The following SMAD3 variants were observed in gnomAD, a reference collection of about 807,000 sequenced individuals.
SMAD3 encodes SMAD family member 3.
In SMAD3, 12 loss-of-function variants were observed where a neutral mutation model predicts 51.8. The observed-to-expected ratio is 0.23, with a 90% CI of 0.15 to 0.38. The LOEUF is 0.38. SMAD3 is among the 10% of genes least tolerant of loss of function. The pLI, the probability that SMAD3 is intolerant of heterozygous loss-of-function variation, is 1.00. For missense variants in SMAD3, 294 were observed against 565.6 expected (o/e 0.52, Z 4.87); for synonymous variants, 238 against 227.7 (o/e 1.05, Z -0.41).
chr15:67,109,104 A>G (rs1960945086), intron 1 of SMAD3, among the ~76,000 whole-genome samples: 1 of 152,230 alleles, frequency 6.6e-6, no homozygotes, highest in South Asian at 2.1e-4. Context: ...AAGCATGGTC[A>G]CTTCACAAAT....
rs866670918 is a variant in SMAD3, at chr15:67,119,017, G to A, written c.207-45878G>A. ...GCTGGATAGATGAGCGTGGAGTTTGGGGGAGAGGTCTGAGCTGAGATATAC... is the reference window on the plus strand; with the variant it reads ...GCTGGATAGATGAGCGTGGAGTTTGAGGGAGAGGTCTGAGCTGAGATATAC... On this transcript the variant is annotated intron_variant, in intron 1 of 8. Transcript: ENST00000327367. 2.0e-5 allele frequency among the ~76,000 whole-genome samples: 3 copies of A among 152,168 alleles called. No homozygotes were observed. The South Asian group carries it at 6.2e-4, about 31-fold the overall frequency.
At chr15:67,126,753 T>G (rs754609895) in intron 1 of SMAD3, among the ~76,000 whole-genome samples, 1 of 152,200 alleles carries the variant, frequency 6.6e-6, no homozygotes, top group Non-Finnish European at 1.5e-5. Flanking sequence ...CTTCCTCAGC[T>G]CTGTGGTTAG....
At chr15:67,147,468 G>A (rs908629441) in intron 1 of SMAD3, among the ~76,000 whole-genome samples, 1 of 152,116 alleles carries the variant, frequency 6.6e-6, no homozygotes, top group Non-Finnish European at 1.5e-5. Flanking sequence ...AAACAACATA[G>A]GAGCTCACTC....
intron 1 of SMAD3, among the ~76,000 whole-genome samples, chr15:67,080,698 A>G (rs1404337237): frequency 6.6e-6 from 1 of 152,280 alleles, no homozygotes; most frequent in Non-Finnish European, 1.5e-5. Context: ...TAAAAATAAC[A>G]GTAAGCATGC....
At position 67,073,003 on chromosome 15, in the gene SMAD3, G is replaced by C. The variant is rs563245192; in HGVS notation, c.206+6643G>C. Among the ~76,000 whole-genome samples the C allele has an allele frequency of 1.0e-3, 159 of 152,362 alleles. 4 individuals carry two copies. In the South Asian group the frequency reaches 0.032, roughly 31 times the overall value. On this transcript the variant is annotated intron_variant, in intron 1 of 8. Transcript: ENST00000327367. The stretch of plus-strand genomic sequence containing the variant: ...TGCGGACAAAATAGTGAATAAGGCA[G>C]ATACTGTCCCTGGTGCCTTCTGTAG...
intron 1 of SMAD3, among the ~76,000 whole-genome samples, chr15:67,148,729 C>T (rs1391632025): frequency 6.6e-6 from 1 of 152,186 alleles, no homozygotes; most frequent in East Asian, 1.9e-4. Context: ...ACTTCTTGAT[C>T]GGGTTCACAA....
chr15:67,190,437 C>T lies in SMAD3; in HGVS notation c.1179C>T (p.Pro393=), dbSNP rs2140327732. The T allele has an allele frequency of 1.2e-6, 2 of 1,614,142 alleles. No homozygotes were observed. Among genetic ancestry groups the T allele is most frequent in the Non-Finnish European group, 1.7e-6 (2 of 1,180,004 alleles). Residue 393 remains proline (P), a synonymous_variant, in exon 9 of 9, where the codon CCC becomes CCT. Coordinates refer to ENST00000327367, the MANE Select transcript of SMAD3 (RefSeq NM_005902.4). The part of the protein sequence containing the change: ...EYRRQTVTST[P]CWIELHLNGP... ...GGAGACAGACTGTGACCAGTACCCC[C>T]TGCTGGATTGAGCTGCACCTGAATG... is the stretch of plus-strand genomic sequence containing the variant.
At chr15:67,123,894 T>C (rs1397701622) in intron 1 of SMAD3, among the ~76,000 whole-genome samples, 1 of 152,240 alleles carries the variant, frequency 6.6e-6, no homozygotes, top group Non-Finnish European at 1.5e-5. Flanking sequence ...TGTGTCCTGC[T>C]TTCCAACTTT....
At chr15:67,155,804 G>A (rs1431583308) in intron 1 of SMAD3, among the ~76,000 whole-genome samples, 1 of 152,052 alleles carries the variant, frequency 6.6e-6, no homozygotes, top group African/African-American at 2.4e-5. Context: ...TGGCCAACAC[G>A]GTGAAACCCC....
At chr15:67,156,783 G>A (rs1422629019) in intron 1 of SMAD3, among the ~76,000 whole-genome samples, 3 of 129,276 alleles carry the variant, frequency 2.3e-5, no homozygotes, top group African/African-American at 9.0e-5. Flanking sequence ...TCTGGGCCCA[G>A]CCTATGGGGC....
chr15:67,168,516 A>ACTCTGCGCTCCCTCTTCCCT (rs1435063244), intron 4 of SMAD3, among the ~76,000 whole-genome samples: 1 of 151,992 alleles, frequency 6.6e-6, no homozygotes, highest in East Asian at 1.9e-4. Context: ...GTTTCTTCCC[A>ACTCTGCGCTCCCTCTTCCCT]CTCTGCGCTC....
intron 1 of SMAD3, among the ~76,000 whole-genome samples, chr15:67,085,905 C>CACACACACACAG (rs1226441725): frequency 3.5e-5 from 5 of 142,932 alleles, no homozygotes; most frequent in African/African-American, 1.3e-4. Context: ...CACACATACA[C>CACACACACACAG]AGAGAACAGC....
chr15:67,100,357 G>C (rs1960723782), intron 1 of SMAD3, among the ~76,000 whole-genome samples: 1 of 152,072 alleles, frequency 6.6e-6, no homozygotes, highest in Non-Finnish European at 1.5e-5. Flanking sequence ...GTAGTTGCCA[G>C]GGATGGAGGA....
intron 1 of SMAD3, among the ~76,000 whole-genome samples, chr15:67,160,554 C>T (rs760024107): frequency 3.3e-5 from 5 of 152,028 alleles, no homozygotes; most frequent in African/African-American, 1.2e-4. Flanking sequence ...AGGCGGATCA[C>T]GAGGTCAGGA....
chr15:67,125,673 C>T, intron 1 of SMAD3: 1 of 981,244 alleles, frequency 1.0e-6, no homozygotes, highest in Non-Finnish European at 1.2e-6. Flanking sequence ...TTTTTTAAGA[C>T]AACTGACTCC....
chr15:67,131,635 G>T (rs1961528609), intron 1 of SMAD3, among the ~76,000 whole-genome samples: 2 of 152,146 alleles, frequency 1.3e-5, no homozygotes, highest in Admixed American at 1.3e-4. Flanking sequence ...TGAACATCAT[G>T]AAGCTAGGGA....
intron 5 of SMAD3, among the ~76,000 whole-genome samples, chr15:67,179,033 T>C (rs1002769657): frequency 6.6e-6 from 1 of 152,228 alleles, no homozygotes; most frequent in African/African-American, 2.4e-5. Flanking sequence ...GTTAACACCA[T>C]GTGCTGAGTG....
intron 1 of SMAD3, among the ~76,000 whole-genome samples, chr15:67,157,791 G>A (rs1962323203): frequency 6.6e-6 from 1 of 152,192 alleles, no homozygotes; most frequent in Non-Finnish European, 1.5e-5. Flanking sequence ...ATCCTTGGCT[G>A]TGGCTCTCAC....
chr15:67,193,246 T>C lies in SMAD3; in HGVS notation c.*2710T>C, dbSNP rs1963410459. On this transcript the variant is annotated 3_prime_UTR_variant, in exon 9 of 9. Transcript: ENST00000327367. Reference sequence around the variant, plus strand: ...TTCTAGAGGAGTGCTGGTGACTGGATAGCAGTTTTAAGTGGCGTTCACCTA... The same window carrying C: ...TTCTAGAGGAGTGCTGGTGACTGGACAGCAGTTTTAAGTGGCGTTCACCTA... 4.3e-6 allele frequency: 1 copy of C among 233,328 alleles called. No homozygotes were observed. The highest frequency in any genetic ancestry group is 8.5e-6 in the Non-Finnish European group (1 of 118,060). The allele number at this position is 233,328 out of a possible 1,614,324, so 14.5% of individuals were successfully genotyped here.
Sources: gnomAD v4.1 joint callset for allele counts (sites outside exome capture counted in the v4.1 genomes callset) on GRCh38, gnomAD v4.1.1 for gene constraint, MANE v1.5 for transcripts, NCBI Gene and HGNC (gene_info 2026-07-23, HGNC 2026-07-21) for gene names.